UNC13C: variants seen among roughly 807,000 people sequenced by gnomAD.
The protein encoded by UNC13C is protein unc-13 homolog C.
In UNC13C, 174 loss-of-function variants were observed where a neutral mutation model predicts 245.4. The observed-to-expected ratio is 0.71, with a 90% CI of 0.63 to 0.80. UNC13C has a LOEUF of 0.80. UNC13C is among the 30% of genes least tolerant of loss of function. The probability of loss-of-function intolerance (pLI) is 0.00; values close to 1 mark genes in which losing one functional copy is unlikely to be tolerated. For synonymous variants in UNC13C, 992 were observed against 895.1 expected, an observed-to-expected ratio of 1.11 and a Z score of -1.93; for missense variants, 2,829 against 2,602.9, an observed-to-expected ratio of 1.09 and a Z score of -1.89.
intron 30 of UNC13C, among the ~76,000 whole-genome samples, chr15:54,592,304 T>G (rs1195223044): frequency 6.6e-6 from 1 of 152,186 alleles, no homozygotes; most frequent in African/African-American, 2.4e-5. Context: ...ATGTATCTGT[T>G]AAGTCCATTA....
At chr15:53,981,809 C>T (rs1230182840) in intron 1 of UNC13C, among the ~76,000 whole-genome samples, 1 of 152,088 alleles carries the variant, frequency 6.6e-6, no homozygotes, top group Non-Finnish European at 1.5e-5. Context: ...AAAAGTCCCC[C>T]AGAGGAGAAG....
At chr15:54,202,388 A>G in intron 4 of UNC13C, among the ~76,000 whole-genome samples, 1 of 151,844 alleles carries the variant, frequency 6.6e-6, no homozygotes, top group East Asian at 1.9e-4. Context: ...AAGAACAAAT[A>G]TGGAGGCATC....
At chr15:53,945,090 C>T in the UNC13C span, among the ~76,000 whole-genome samples, 1 of 151,850 alleles carries the variant, frequency 6.6e-6, no homozygotes, top group Admixed American at 6.6e-5. Flanking sequence ...ATGTCCTTTG[C>T]CCATGTGTTA....
At chr15:54,534,381 C>G (rs1895897081) in intron 26 of UNC13C, among the ~76,000 whole-genome samples, 1 of 152,128 alleles carries the variant, frequency 6.6e-6, no homozygotes, top group South Asian at 2.1e-4. Flanking sequence ...ATACCACAGT[C>G]AAATCCTCAA....
At chr15:54,448,682 T>C (rs1387168876) in intron 19 of UNC13C, among the ~76,000 whole-genome samples, 1 of 152,222 alleles carries the variant, frequency 6.6e-6, no homozygotes, top group East Asian at 1.9e-4. Flanking sequence ...GCACGTGTGA[T>C]GGGTTTCCTG....
At chr15:53,863,878 C>A in the UNC13C span, among the ~76,000 whole-genome samples, 7 of 152,084 alleles carry the variant, frequency 4.6e-5, no homozygotes, top group Non-Finnish European at 8.8e-5. Flanking sequence ...CAGTGATGCC[C>A]CTTGATGAAC....
At chr15:54,395,995 G>T (rs2040062158) in intron 18 of UNC13C, among the ~76,000 whole-genome samples, 1 of 151,456 alleles carries the variant, frequency 6.6e-6, no homozygotes, top group African/African-American at 2.4e-5. Flanking sequence ...AGATGTTTTA[G>T]AAATTTCAAT....
intron 17 of UNC13C, among the ~76,000 whole-genome samples, chr15:54,365,543 C>T (rs773096387): frequency 1.3e-4 from 19 of 151,904 alleles, no homozygotes; most frequent in Non-Finnish European, 2.2e-4. Context: ...TTTATTTGCC[C>T]AAATTAATTT....
intron 4 of UNC13C, among the ~76,000 whole-genome samples, chr15:54,223,234 T>A (rs192932642): frequency 9.9e-5 from 15 of 152,270 alleles, no homozygotes; most frequent in Admixed American, 7.2e-4. Flanking sequence ...TGGTCTTAGA[T>A]TTAAGTCTTT....
intron 4 of UNC13C, among the ~76,000 whole-genome samples, chr15:54,147,099 C>T (rs1466517078): frequency 6.6e-6 from 1 of 152,122 alleles, no homozygotes; most frequent in Non-Finnish European, 1.5e-5. Context: ...CGGTGAATGA[C>T]ACACTGGAGG....
chr15:54,293,193 A>G (rs1014035515), intron 10 of UNC13C, among the ~76,000 whole-genome samples: 6 of 152,028 alleles, frequency 3.9e-5, no homozygotes, highest in African/African-American at 1.4e-4. Context: ...GTTTACTTGC[A>G]GATTCCTAAA....
At chr15:54,270,716 G>C (rs2036664727) in intron 10 of UNC13C, among the ~76,000 whole-genome samples, 1 of 152,060 alleles carries the variant, frequency 6.6e-6, no homozygotes, top group Non-Finnish European at 1.5e-5. Context: ...ACTGAGACTG[G>C]GAAATGGATC....
chr15:54,353,817 G>A (rs918729463), intron 17 of UNC13C, among the ~76,000 whole-genome samples: 1 of 152,084 alleles, frequency 6.6e-6, no homozygotes, highest in African/African-American at 2.4e-5. Flanking sequence ...AACTCCTGGG[G>A]TTCTGTCCTT....
intron 4 of UNC13C, among the ~76,000 whole-genome samples, chr15:54,171,509 A>T (rs369116822): frequency 6.6e-6 from 1 of 152,162 alleles, no homozygotes; most frequent in East Asian, 1.9e-4. Context: ...AAAGTGCTCA[A>T]TGTCATTGAT....
At position 54,298,000 on chromosome 15, in the gene UNC13C, G is replaced by C. The variant is rs887193620; in HGVS notation, c.4104+74G>C. The C allele has an allele frequency of 1.3e-5, 14 of 1,091,794 alleles. No individual in the cohort carries two copies. In the African/African-American group the frequency reaches 1.9e-4, roughly 15 times the overall value. 67.6% of individuals were successfully genotyped at this position (1,091,794 alleles called of 1,614,324 possible). On this transcript the variant is annotated intron_variant, in intron 12 of 32. Transcript: ENST00000260323. ...TTATGGATTATAAAACAGAATATTT[G>C]GTTTAAAAATCATTGAATTTGTAGA...
chr15:54,542,620 T>C (rs1289365790), intron 26 of UNC13C, among the ~76,000 whole-genome samples: 1 of 152,126 alleles, frequency 6.6e-6, no homozygotes, highest in African/African-American at 2.4e-5. Context: ...CCCACTATTA[T>C]TGTATGGGAG....
chr15:53,891,860 A>G, the UNC13C span, among the ~76,000 whole-genome samples: 2 of 152,328 alleles, frequency 1.3e-5, no homozygotes, highest in South Asian at 4.1e-4. Flanking sequence ...GCCCATTAAC[A>G]TTTAAAGTTA....
At chr15:54,536,024 A>G (rs974806334) in intron 26 of UNC13C, among the ~76,000 whole-genome samples, 2 of 152,110 alleles carry the variant, frequency 1.3e-5, no homozygotes, top group Non-Finnish European at 2.9e-5. Context: ...GAAACCATAC[A>G]AAAGATCAGT....
intron 30 of UNC13C, among the ~76,000 whole-genome samples, chr15:54,571,119 A>C (rs934021515): frequency 6.6e-6 from 1 of 152,170 alleles, no homozygotes; most frequent in African/African-American, 2.4e-5. Flanking sequence ...AAAATGACCA[A>C]ATGAAGTCTC....
Sources: gnomAD v4.1 joint callset for allele counts (sites outside exome capture counted in the v4.1 genomes callset) on GRCh38, gnomAD v4.1.1 for gene constraint, MANE v1.5 for transcripts, NCBI Gene and HGNC (gene_info 2026-07-23, HGNC 2026-07-21) for gene names.